GRIN2B: variants seen among roughly 807,000 people sequenced by gnomAD.
The protein encoded by GRIN2B is glutamate ionotropic receptor NMDA type subunit 2B.
A neutral mutation model predicts 114.5 loss-of-function variants in GRIN2B; 5 were observed. That is an observed-to-expected ratio of 0.04 (90% CI 0.02 to 0.09). The LOEUF is 0.09. GRIN2B is among the 10% of genes least tolerant of loss of function. The pLI, the probability that GRIN2B is intolerant of heterozygous loss-of-function variation, is 1.00. For missense variants in GRIN2B, 1,108 were observed against 1,943.5 expected, an observed-to-expected ratio of 0.57 and a Z score of 8.08; for synonymous variants, 787 against 745.1, an observed-to-expected ratio of 1.06 and a Z score of -0.92.
chr12:13,710,293 G>C (rs937030451), intron 4 of GRIN2B, among the ~76,000 whole-genome samples: 2 of 152,072 alleles, frequency 1.3e-5, no homozygotes, highest in African/African-American at 4.8e-5. Context: ...GCAAAAACTG[G>C]AAGCATTCCC....
At chr12:13,904,574 C>A (rs926485824) in intron 2 of GRIN2B, among the ~76,000 whole-genome samples, 2 of 152,096 alleles carry the variant, frequency 1.3e-5, no homozygotes, top group African/African-American at 4.8e-5. Flanking sequence ...TTGCTCTTCA[C>A]TCCATCTTGC....
Position 13,539,071 on chromosome 12 carries a change from T to C in GRIN2B, c.*23712A>G, listed in dbSNP as rs181630612. On this transcript the variant is annotated 3_prime_UTR_variant, in exon 14 of 14. Coordinates refer to ENST00000609686, the MANE Select transcript of GRIN2B (RefSeq NM_000834.5). Reference sequence around the variant, plus strand: ...AATCTGGCTTTATGTTAGAGCTTGCTACTTTCTGGAATGTTCAGGGAGAAA... The same window carrying C: ...AATCTGGCTTTATGTTAGAGCTTGCCACTTTCTGGAATGTTCAGGGAGAAA... 5.5e-4 allele frequency: 84 copies of C among 152,374 alleles called. No individual in the cohort carries two copies. Among genetic ancestry groups the C allele is most frequent in the Admixed American group, 5.4e-3 (82 of 15,310 alleles). The allele number at this position is 152,374 out of a possible 1,614,324, so 9.4% of individuals were successfully genotyped here.
intron 10 of GRIN2B, among the ~76,000 whole-genome samples, chr12:13,606,524 A>T (rs1336459176): frequency 6.6e-6 from 1 of 152,232 alleles, no homozygotes; most frequent in Admixed American, 6.5e-5. Flanking sequence ...AACACTGGCC[A>T]TTAGGCCCCA....
chr12:13,862,486 C>T (rs577354352), intron 3 of GRIN2B, among the ~76,000 whole-genome samples: 119 of 152,204 alleles, frequency 7.8e-4, no homozygotes, highest in Middle Eastern at 3.4e-3. Flanking sequence ...ATCCTTCAGA[C>T]GATTACTATG....
At chr12:13,668,529 C>G (rs1165583083) in intron 5 of GRIN2B, among the ~76,000 whole-genome samples, 1 of 152,090 alleles carries the variant, frequency 6.6e-6, no homozygotes, top group Non-Finnish European at 1.5e-5. Flanking sequence ...ATGGTGTAGT[C>G]AAACAGGATG....
At chr12:13,807,316 G>A (rs1591743096) in intron 3 of GRIN2B, among the ~76,000 whole-genome samples, 1 of 152,052 alleles carries the variant, frequency 6.6e-6, no homozygotes, top group South Asian at 2.1e-4. Context: ...GTGAGTAGTC[G>A]CTGTGTGGAC....
At chr12:13,712,376 T>C (rs941107401) in intron 4 of GRIN2B, among the ~76,000 whole-genome samples, 1 of 151,622 alleles carries the variant, frequency 6.6e-6, no homozygotes, top group Non-Finnish European at 1.5e-5. Context: ...ACTTAAAGTA[T>C]AATAAAAAAC....
intron 3 of GRIN2B, among the ~76,000 whole-genome samples, chr12:13,762,349 C>G (rs541000205): frequency 4.6e-5 from 7 of 152,110 alleles, no homozygotes; most frequent in Admixed American, 2.6e-4. Flanking sequence ...ATTGCCTTAT[C>G]TCATCAAAAT....
At chr12:13,937,461 C>T (rs1173582809) in intron 2 of GRIN2B, among the ~76,000 whole-genome samples, 1 of 150,246 alleles carries the variant, frequency 6.7e-6, no homozygotes, top group Non-Finnish European at 1.5e-5. Context: ...TGACTGCTGA[C>T]CAGAAGACAA....
rs1262840551 is a variant in GRIN2B at position 13,600,568 on chromosome 12, C to G, written c.2010+8035G>C. On this transcript the variant is annotated intron_variant, in intron 10 of 13. Transcript: ENST00000609686. ...AAGGCTACAAGAAGAGAGAGGACAC[C>G]TGTTTGCTTTTGATGAGAAAAGAGT... is the stretch of plus-strand genomic sequence containing the variant. Among the ~76,000 whole-genome samples the G allele has an allele frequency of 2.0e-5, 3 of 151,862 alleles. No homozygotes were observed. In the East Asian group the frequency reaches 5.8e-4, roughly 29 times the overall value.
rs191277205 is a variant in GRIN2B, at chr12:13,564,864, G to T, written c.2599-225C>A. Among the ~76,000 whole-genome samples, 64 of 152,284 alleles carry T rather than the reference G, an allele frequency of 4.2e-4. No homozygotes were observed. Among genetic ancestry groups the T allele is most frequent in the South Asian group, 1.9e-3 (9 of 4,820 alleles). On this transcript the variant is annotated intron_variant, in intron 13 of 13. Coordinates refer to ENST00000609686, the MANE Select transcript of GRIN2B (RefSeq NM_000834.5). The surrounding 1 kb of genome is among the most constrained non-coding windows in gnomAD (Gnocchi z 4.8). ...GAGGTCAGTGACCTGGCCATCAGAG[G>T]GGGGGGCATGGCCCCACCCAGTAAC...
chr12:13,562,564 G>C lies in GRIN2B; in HGVS notation c.*219C>G, dbSNP rs80081965. ...CATGGGAACAGGAATGGCTGACAGC[G>C]GGGGGAAGAAGGAGAGAACTGTGAA... is the stretch of plus-strand genomic sequence containing the variant. On this transcript the variant is annotated 3_prime_UTR_variant, in exon 14 of 14. Coordinates refer to ENST00000609686, the MANE Select transcript of GRIN2B (RefSeq NM_000834.5). 1 of 572,768 alleles carries C rather than the reference G, an allele frequency of 1.7e-6. No homozygotes were observed. The highest frequency in any genetic ancestry group is 2.9e-5 in the East Asian group (1 of 34,164). 35.5% of individuals were successfully genotyped at this position (572,768 alleles called of 1,614,324 possible).
intron 3 of GRIN2B, among the ~76,000 whole-genome samples, chr12:13,825,490 TATA>T (rs1241887537): frequency 1.7e-5 from 1 of 58,132 alleles, no homozygotes; most frequent in Non-Finnish European, 3.6e-5. Context: ...TAAATATATA[TATA>T]TTTTGTGTGT....
At chr12:13,689,066 A>C (rs1165996066) in intron 4 of GRIN2B, among the ~76,000 whole-genome samples, 4 of 152,152 alleles carry the variant, frequency 2.6e-5, no homozygotes, top group African/African-American at 9.7e-5. Flanking sequence ...TTTTTAAAGG[A>C]AATTCAAAAC....
rs886150074 is a variant in GRIN2B, at chr12:13,781,379, C to T, written c.412-27464G>A. Among the ~76,000 whole-genome samples, 22 of 152,190 alleles carry T rather than the reference C, an allele frequency of 1.4e-4. 1 individual carries two copies. The highest frequency in any genetic ancestry group is 4.8e-4 in the African/African-American group (20 of 41,552). On this transcript the variant is annotated intron_variant, in intron 3 of 13. Coordinates refer to ENST00000609686, the MANE Select transcript of GRIN2B (RefSeq NM_000834.5). ...TAGATTATTGTAAATTTGGGAAACC[C>T]GGCTGTCAAACAGCTAATATGATCT...
chr12:13,736,337 T>C (rs1029215933), intron 4 of GRIN2B, among the ~76,000 whole-genome samples: 1 of 151,974 alleles, frequency 6.6e-6, no homozygotes, highest in East Asian at 1.9e-4. Context: ...CAACACCAAA[T>C]AGCCAGGATG....
chr12:13,942,979 C>T (rs1341899092), intron 2 of GRIN2B, among the ~76,000 whole-genome samples: 5 of 152,114 alleles, frequency 3.3e-5, no homozygotes, highest in Admixed American at 2.6e-4. Context: ...CAGAGGCCCT[C>T]CCATCCCGGT....
intron 2 of GRIN2B, among the ~76,000 whole-genome samples, chr12:13,957,229 C>T (rs1867608689): frequency 6.6e-6 from 1 of 152,122 alleles, no homozygotes; most frequent in African/African-American, 2.4e-5. Flanking sequence ...CATTGGGAGC[C>T]TCTCCTGGGA....
At chr12:13,690,582 TC>T (rs1950208683) in intron 4 of GRIN2B, among the ~76,000 whole-genome samples, 1 of 152,172 alleles carries the variant, frequency 6.6e-6, no homozygotes, top group South Asian at 2.1e-4. Context: ...TTGATGTTTT[TC>T]TCATTACACT....
Sources: gnomAD v4.1 joint callset for allele counts (sites outside exome capture counted in the v4.1 genomes callset) on GRCh38, gnomAD v4.1.1 for gene constraint, Gnocchi (gnomAD v3.1) non-coding constraint, MANE v1.5 for transcripts, NCBI Gene and HGNC (gene_info 2026-07-23, HGNC 2026-07-21) for gene names.